ARHGAP15: variants seen among roughly 807,000 people sequenced by gnomAD.
ARHGAP15 encodes Rho GTPase activating protein 15.
In ARHGAP15, 51 loss-of-function variants were observed where a neutral mutation model predicts 63.7. The ratio of observed to expected loss-of-function variants is 0.80; its 90% CI spans 0.64 to 1.01. ARHGAP15 has a LOEUF of 1.01. Among genes scored for constraint, ARHGAP15 ranks in the 50% least tolerant of loss-of-function variants. The pLI is 0.00. For missense variants in ARHGAP15, 560 were observed against 564.6 expected (o/e 0.99, Z 0.08); for synonymous variants, 191 against 193.8 (o/e 0.99, Z 0.12).
At chr2:143,325,900 G>T (rs1029690015) in intron 6 of ARHGAP15, among the ~76,000 whole-genome samples, 1 of 152,058 alleles carries the variant, frequency 6.6e-6, no homozygotes, top group Non-Finnish European at 1.5e-5. Context: ...ATGATGACAA[G>T]TAAAAAAGGA....
At chr2:143,306,659 A>G (rs1683186118) in intron 6 of ARHGAP15, among the ~76,000 whole-genome samples, 1 of 152,124 alleles carries the variant, frequency 6.6e-6, no homozygotes, top group Admixed American at 6.6e-5. Flanking sequence ...GTCCTTGGAT[A>G]AGACAGACCT....
At chr2:143,448,203 A>C (rs1199664909) in intron 8 of ARHGAP15, among the ~76,000 whole-genome samples, 1 of 152,166 alleles carries the variant, frequency 6.6e-6, no homozygotes, top group East Asian at 1.9e-4. Context: ...TGGAATGTGC[A>C]AAACATTGGG....
At chr2:143,559,225 G>T (rs983002307) in intron 11 of ARHGAP15, among the ~76,000 whole-genome samples, 2 of 152,014 alleles carry the variant, frequency 1.3e-5, no homozygotes, top group African/African-American at 4.8e-5. Context: ...TGCATTTCCT[G>T]CCTTTAAAAA....
intron 13 of ARHGAP15, among the ~76,000 whole-genome samples, chr2:143,708,377 C>T (rs532030025): frequency 3.1e-4 from 47 of 152,216 alleles, no homozygotes; most frequent in Admixed American, 5.2e-4. Context: ...ATTACCAAGG[C>T]AGTGCAGGCT....
At chr2:143,357,366 TA>T (rs1428237041) in intron 6 of ARHGAP15, among the ~76,000 whole-genome samples, 1 of 151,968 alleles carries the variant, frequency 6.6e-6, no homozygotes, top group African/African-American at 2.4e-5. Context: ...TTTTTTTTTT[TA>T]GGCACTTGAC....
chr2:143,395,093 G>C (rs1038893613), intron 6 of ARHGAP15, among the ~76,000 whole-genome samples: 4 of 151,982 alleles, frequency 2.6e-5, no homozygotes, highest in African/African-American at 4.8e-5. Context: ...AAAGCACATA[G>C]ATTATAAAAC....
At chr2:143,504,578 A>G (rs78788301) in intron 9 of ARHGAP15, among the ~76,000 whole-genome samples, 2 of 152,354 alleles carry the variant, frequency 1.3e-5, no homozygotes, top group African/African-American at 4.8e-5. Flanking sequence ...ACCTTACAGC[A>G]CAAATGTCCC....
At chr2:143,683,236 G>T (rs953398086) in intron 12 of ARHGAP15, among the ~76,000 whole-genome samples, 1 of 151,668 alleles carries the variant, frequency 6.6e-6, no homozygotes, top group Non-Finnish European at 1.5e-5. Flanking sequence ...TTTAAATTGA[G>T]GTGCAAGAGC....
intron 6 of ARHGAP15, among the ~76,000 whole-genome samples, chr2:143,272,315 C>T (rs1052235246): frequency 9.2e-5 from 14 of 152,022 alleles, no homozygotes; most frequent in African/African-American, 3.4e-4. Flanking sequence ...GCTTAACATC[C>T]ATACTTTTTC....
intron 13 of ARHGAP15, 97 bp downstream of exon 13, chr2:143,703,621 G>A (rs1045466895): frequency 3.4e-5 from 29 of 862,500 alleles, no homozygotes; most frequent in East Asian, 1.6e-4. Flanking sequence ...TTCCAAATGC[G>A]TACATCTCGT....
rs189698875 is a variant in ARHGAP15, at chr2:143,423,708, G to C, written c.475-11893G>C. ...AGTCCAGGAGACAATCAATGAATCAGTCAATAAGTGAAATCAAATAATAAC... is the reference window on the plus strand; with the variant it reads ...AGTCCAGGAGACAATCAATGAATCACTCAATAAGTGAAATCAAATAATAAC... On this transcript the variant is annotated intron_variant, in intron 6 of 13. Coordinates refer to ENST00000295095, the MANE Select transcript of ARHGAP15 (RefSeq NM_018460.4). Among the ~76,000 whole-genome samples, 3 of 152,252 alleles carry C rather than the reference G, an allele frequency of 2.0e-5. No individual in the cohort carries two copies. In the East Asian group the frequency reaches 5.8e-4, roughly 29 times the overall value.
Position 143,202,153 on chromosome 2 carries a change from A to T in ARHGAP15, c.185A>T (p.Asn62Ile). 6.2e-7 allele frequency: 1 copy of T among 1,612,258 alleles called. No homozygotes were observed. The highest frequency in any genetic ancestry group is 8.5e-7 in the Non-Finnish European group (1 of 1,178,630). Residue 62 changes from asparagine to isoleucine, a missense_variant, in exon 3 of 14, where the codon AAT (asparagine) becomes ATT (isoleucine). Asn to Ile is a moderately radical substitution (Grantham distance 149). Transcript: ENST00000295095. ...VTEPISRHRRNHSQHILKDVI... is the reference protein window; with the variant it reads ...VTEPISRHRRIHSQHILKDVI... The stretch of plus-strand genomic sequence containing the variant: ...TTGCAGATATCCAGACACAGAAGGA[A>T]TCATTCACAGCATATCTTGAAAGAT...
intron 6 of ARHGAP15, among the ~76,000 whole-genome samples, chr2:143,414,498 A>T (rs1159524879): frequency 6.6e-6 from 1 of 152,178 alleles, no homozygotes; most frequent in East Asian, 1.9e-4. Flanking sequence ...CAAGAAATTG[A>T]AATTTTCTCA....
At chr2:143,211,893 A>G (rs1166340196) in intron 3 of ARHGAP15, among the ~76,000 whole-genome samples, 2 of 152,208 alleles carry the variant, frequency 1.3e-5, no homozygotes, top group African/African-American at 4.8e-5. Flanking sequence ...GCACATTATC[A>G]GAACAAAGGG....
chr2:143,312,284 C>T (rs543732082), intron 6 of ARHGAP15, among the ~76,000 whole-genome samples: 3 of 152,184 alleles, frequency 2.0e-5, no homozygotes, highest in East Asian at 1.9e-4. Flanking sequence ...CCACGTCTTT[C>T]GGCAATTCAG....
At chr2:143,641,072 A>C (rs940928590) in intron 12 of ARHGAP15, 1 of 152,144 alleles carries the variant, frequency 6.6e-6, no homozygotes, top group Non-Finnish European at 1.5e-5. Context: ...CTGCAGCTGC[A>C]AAGCATCCTG....
intron 13 of ARHGAP15, among the ~76,000 whole-genome samples, chr2:143,711,930 AAAAAC>A (rs992944746): frequency 1.3e-5 from 2 of 152,212 alleles, no homozygotes; most frequent in East Asian, 1.9e-4. Flanking sequence ...GTCAAAAAAC[AAAAAC>A]AAAACAAAAC....
At chr2:143,449,072 C>T (rs770775736) in intron 8 of ARHGAP15, among the ~76,000 whole-genome samples, 4 of 151,880 alleles carry the variant, frequency 2.6e-5, no homozygotes, top group Non-Finnish European at 5.9e-5. Context: ...CTCATCAATC[C>T]CTTCCAACCC....
At chr2:143,399,665 T>C (rs1184426480) in intron 6 of ARHGAP15, among the ~76,000 whole-genome samples, 1 of 151,928 alleles carries the variant, frequency 6.6e-6, no homozygotes, top group Non-Finnish European at 1.5e-5. Flanking sequence ...AAAAAGCCTC[T>C]TAAAAAGGTT....
Sources: gnomAD v4.1 joint callset for allele counts (sites outside exome capture counted in the v4.1 genomes callset) on GRCh38, gnomAD v4.1.1 for gene constraint, MANE v1.5 for transcripts, NCBI Gene and HGNC (gene_info 2026-07-23, HGNC 2026-07-21) for gene names.